Variants in MYH7B observed in about 807,000 individuals in gnomAD.
MYH7B encodes the protein myosin heavy chain 7B, also known as myosin-7B.
MYH7B carries 205 observed loss-of-function variants against 234.5 expected under a neutral mutation model. The ratio of observed to expected loss-of-function variants is 0.87; its 90% CI spans 0.78 to 0.98. The LOEUF is 0.98. MYH7B is among the 50% of genes least tolerant of loss of function. The pLI is 0.00. For missense variants in MYH7B, 2,652 were observed against 2,633.4 expected (o/e 1.01, Z -0.15); for synonymous variants, 1,193 against 1,105.0 (o/e 1.08, Z -1.58).
At chr20:34,985,240 C>A in intron 13 of MYH7B, 111 bp downstream of exon 13, 1 of 1,012,952 alleles carries the variant, frequency 9.9e-7, no homozygotes, top group South Asian at 1.3e-5. Context: ...GGGCACTTCT[C>A]TCTACCCCCT....
chr20:34,979,509 C>G lies in MYH7B; in HGVS notation c.198+13C>G. The G allele has an allele frequency of 6.2e-7, 1 of 1,608,156 alleles. No homozygotes were observed. The highest frequency in any genetic ancestry group is 8.5e-7 in the Non-Finnish European group (1 of 1,176,314). Reference sequence around the variant, plus strand: ...CAAAGACCAGAAGGTTCCGTTCCCCCTTTCCTGAGATTAGCCTCTCTGTCC... The same window carrying G: ...CAAAGACCAGAAGGTTCCGTTCCCCGTTTCCTGAGATTAGCCTCTCTGTCC... On this transcript the variant is annotated intron_variant, in intron 6 of 44. Coordinates refer to ENST00000262873, the Ensembl canonical transcript of MYH7B.
At chr20:34,980,631 C>G (rs766910766) in exon 8 of MYH7B, 3 of 1,614,196 alleles carry the variant, frequency 1.9e-6, no homozygotes, top group East Asian at 2.2e-5. Flanking sequence ...GGCTCCCAGT[C>G]TATACGGCCT....
At chr20:35,001,832 C>T in intron 43 of MYH7B, 116 bp from the exon 44 acceptor site, 1 of 1,456,164 alleles carries the variant, frequency 6.9e-7, no homozygotes, top group Admixed American at 2.1e-5. Context: ...TGGACAGTGG[C>T]AATAGGAACA....
chr20:34,962,323 C>T (rs927741901), intron 2 of MYH7B, among the ~76,000 whole-genome samples: 2 of 152,132 alleles, frequency 1.3e-5, no homozygotes, highest in Non-Finnish European at 2.9e-5. Flanking sequence ...AGTGGAATTG[C>T]CGGGTAATAT....
At chr20:34,990,548 G>T in intron 22 of MYH7B, 190 bp from the exon 23 acceptor site, 1 of 803,916 alleles carries the variant, frequency 1.2e-6, no homozygotes. Flanking sequence ...CGGGGATTTG[G>T]CAGGGAAGTG....
exon 29 of MYH7B, chr20:34,996,386 C>T (rs1341078656): frequency 1.9e-6 from 3 of 1,609,974 alleles, no homozygotes; most frequent in Admixed American, 3.4e-5. Context: ...CTGGACGAGT[C>T]AGTGGCCCGG....
intron 2 of MYH7B, among the ~76,000 whole-genome samples, 63 bp downstream of exon 2, chr20:34,958,275 G>A (rs1032336406): frequency 6.6e-6 from 1 of 152,132 alleles, no homozygotes; most frequent in African/African-American, 2.4e-5. Context: ...TACGTGACTT[G>A]TTCAAGGTGA....
rs748578395 is a variant in MYH7B at position 34,977,583 on chromosome 20, G to A, written c.-121-49G>A. Reference sequence around the variant, plus strand: ...GTCCTGTGGCCAGGCTGGGGGGGCTGTGACACGTGGAGATTGCTGACATAG... The same window carrying A: ...GTCCTGTGGCCAGGCTGGGGGGGCTATGACACGTGGAGATTGCTGACATAG... On this transcript the variant is annotated intron_variant, in intron 3 of 44. Transcript: ENST00000262873. The A allele has an allele frequency of 4.5e-6, 7 of 1,546,762 alleles. No homozygotes were observed. In the African/African-American group the frequency reaches 9.5e-5, roughly 21 times the overall value.
chr20:34,958,761 G>A (rs1371516137), intron 2 of MYH7B, among the ~76,000 whole-genome samples: 2 of 152,164 alleles, frequency 1.3e-5, no homozygotes, highest in African/African-American at 4.8e-5. Context: ...ACCGTGCCCG[G>A]CCTTGTATTT....
exon 26 of MYH7B, chr20:34,993,396 G>C (rs1353452814): frequency 1.2e-6 from 2 of 1,613,398 alleles, no homozygotes; most frequent in Non-Finnish European, 8.5e-7. Flanking sequence ...GCCTGGCCAA[G>C]GTGCTGACGC....
chr20:34,970,787 C>A (rs1600410058), intron 2 of MYH7B, among the ~76,000 whole-genome samples: 3 of 152,178 alleles, frequency 2.0e-5, no homozygotes, highest in Non-Finnish European at 4.4e-5. Context: ...AGTCAGAGGC[C>A]AAGACAGAAA....
At chr20:34,982,634 T>TTC in intron 10 of MYH7B, 79 bp downstream of exon 10, 1 of 1,171,952 alleles carries the variant, frequency 8.5e-7, no homozygotes, top group Non-Finnish European at 1.2e-6. Context: ...TTTTTTTTTT[T>TTC]CCCCCTTTTT....
At chr20:35,001,707 T>C (rs61174933) in intron 43 of MYH7B, 181 bp downstream of exon 43, 5 of 802,366 alleles carry the variant, frequency 6.2e-6, no homozygotes, top group Middle Eastern at 3.8e-4. Context: ...ACAGACCCCA[T>C]GTGCTTTCCC....
chr20:34,973,727 C>T (rs1055116404), intron 2 of MYH7B, among the ~76,000 whole-genome samples: 3 of 152,190 alleles, frequency 2.0e-5, no homozygotes, highest in Non-Finnish European at 4.4e-5. Context: ...CACATCAGCT[C>T]CCTCTGCTCC....
At chr20:34,986,340 T>C (rs1475926860) in intron 14 of MYH7B, 142 bp downstream of exon 14, 4 of 668,198 alleles carry the variant, frequency 6.0e-6, no homozygotes, top group African/African-American at 5.4e-5. Flanking sequence ...CTTGGGACTT[T>C]TGGTTACTTT....
chr20:34,998,842 G>A, exon 35 of MYH7B: 1 of 1,613,266 alleles, frequency 6.2e-7, no homozygotes, highest in Non-Finnish European at 8.5e-7. Flanking sequence ...CAAGGCCAAT[G>A]CCGAGGTGGC....
At chr20:34,968,494 T>C (rs2081763088) in intron 2 of MYH7B, among the ~76,000 whole-genome samples, 1 of 152,220 alleles carries the variant, frequency 6.6e-6, no homozygotes, top group South Asian at 2.1e-4. Context: ...AAGTCTGACC[T>C]CCTCTTGTTG....
rs759556979 is a variant in MYH7B at position 34,998,606 on chromosome 20, C to T, written c.3970C>T (p.Arg1324Cys). 43 of 1,613,206 alleles carry T rather than the reference C, an allele frequency of 2.7e-5. No homozygotes were observed. Among genetic ancestry groups the T allele is most frequent in the African/African-American group, 1.1e-4 (8 of 74,960 alleles). The change falls in exon 34 of 45, where the codon CGC becomes TGC. Residue 1324 changes from arginine to cysteine, a missense_variant. Transcript: ENST00000262873. ...CGCCCAAAGCCTGGAAGAGTTGCGG[C>T]GCCAGCTAGAGGAGGAAAGCAAGGT...
exon 20 of MYH7B, chr20:34,989,774 G>A (rs374219896): frequency 6.2e-7 from 1 of 1,614,022 alleles, no homozygotes; most frequent in African/African-American, 1.3e-5. Context: ...GAGGAGGAAT[G>A]CATGTTCCCC....
Sources: gnomAD v4.1 joint callset for allele counts (sites outside exome capture counted in the v4.1 genomes callset) on GRCh38, gnomAD v4.1.1 for gene constraint, MANE v1.5 for transcripts, NCBI Gene and HGNC (gene_info 2026-07-23, HGNC 2026-07-21) for gene names.